The following TBX20 variants were observed in gnomAD, a reference collection of about 807,000 sequenced individuals.
The protein encoded by TBX20 is T-box transcription factor TBX20.
Under a neutral mutation model 42.9 loss-of-function variants are expected in TBX20, and 8 were observed. That is an observed-to-expected ratio of 0.19 (90% CI 0.11 to 0.34). TBX20 has a LOEUF of 0.34. Ranked by LOEUF, TBX20 falls within the 10% of genes least tolerant of loss-of-function variation. TBX20 has a pLI of 1.00. For missense variants in TBX20, 411 were observed against 566.0 expected, an observed-to-expected ratio of 0.73 and a Z score of 2.78; for synonymous variants, 198 against 222.8, an observed-to-expected ratio of 0.89 and a Z score of 0.99.
At chr7:35,204,364 C>CAAGGA (rs1789358368) in intron 7 of TBX20, 106 bp downstream of exon 7, 1 of 764,022 alleles carries the variant, frequency 1.3e-6, no homozygotes, top group African/African-American at 1.7e-5. Context: ...AATCCTTTCC[C>CAAGGA]GGCATCGTGT....
intron 6 of TBX20, among the ~76,000 whole-genome samples, chr7:35,214,017 A>G (rs902901563): frequency 9.9e-5 from 15 of 152,094 alleles, no homozygotes; most frequent in African/African-American, 3.6e-4. Context: ...TGCTATGGAA[A>G]ATAAAAATAA....
intron 6 of TBX20, among the ~76,000 whole-genome samples, chr7:35,210,073 T>C (rs1789466845): frequency 6.6e-6 from 1 of 152,094 alleles, no homozygotes; most frequent in Non-Finnish European, 1.5e-5. Flanking sequence ...TAGTGTATAC[T>C]TGCAAAGAAG....
chr7:35,230,968 G>C (rs529355986), intron 6 of TBX20, among the ~76,000 whole-genome samples: 1 of 152,310 alleles, frequency 6.6e-6, no homozygotes, highest in South Asian at 2.1e-4. Context: ...GTAAGTTACA[G>C]GCACATGATT....
intron 5 of TBX20, among the ~76,000 whole-genome samples, chr7:35,231,941 G>A (rs1789874341): frequency 6.6e-6 from 1 of 152,170 alleles, no homozygotes; most frequent in African/African-American, 2.4e-5. Context: ...ACCTAAATGG[G>A]AGAATTATGC....
At chr7:35,217,496 C>T (rs1347001314) in intron 6 of TBX20, among the ~76,000 whole-genome samples, 3 of 152,048 alleles carry the variant, frequency 2.0e-5, no homozygotes, top group African/African-American at 7.2e-5. Flanking sequence ...CTCACTGGTC[C>T]GGCACTTCCA....
intron 4 of TBX20, among the ~76,000 whole-genome samples, chr7:35,243,289 T>C (rs1790117987): frequency 6.6e-6 from 1 of 152,158 alleles, no homozygotes; most frequent in African/African-American, 2.4e-5. Flanking sequence ...CTGGCCAGTA[T>C]AAAAGTTTTA....
intron 4 of TBX20, among the ~76,000 whole-genome samples, 197 bp downstream of exon 4, chr7:35,244,752 C>A (rs912929020): frequency 2.0e-5 from 3 of 152,210 alleles, no homozygotes; most frequent in African/African-American, 7.2e-5. Context: ...AAATGGCACA[C>A]AGCATTCCCG....
intron 7 of TBX20, among the ~76,000 whole-genome samples, chr7:35,204,021 A>C (rs1484386244): frequency 2.6e-5 from 4 of 152,228 alleles, no homozygotes; most frequent in Non-Finnish European, 5.9e-5. Flanking sequence ...TCATTAGGAC[A>C]ATCCTCTTTT....
At chr7:35,228,095 TA>T (rs70981903) in intron 6 of TBX20, among the ~76,000 whole-genome samples, 90,141 of 150,204 alleles carry the variant, frequency 0.6, 28,378 homozygotes, top group African/African-American at 0.8. Context: ...AATACTATGA[TA>T]AAAAAAAAAA....
chr7:35,247,015 T>C (rs189391130), intron 3 of TBX20, among the ~76,000 whole-genome samples: 8 of 152,140 alleles, frequency 5.3e-5, no homozygotes, highest in Admixed American at 5.2e-4. Flanking sequence ...ACACACTTTT[T>C]TTCTCCAACC....
chr7:35,218,574 G>C (rs998052223), intron 6 of TBX20, among the ~76,000 whole-genome samples: 3 of 151,924 alleles, frequency 2.0e-5, no homozygotes, highest in African/African-American at 7.3e-5. Flanking sequence ...TTTAAAATAT[G>C]TTTTTACTAT....
chr7:35,204,650 G>C, intron 6 of TBX20, 68 bp from the exon 7 acceptor site: 1 of 1,212,748 alleles, frequency 8.2e-7, no homozygotes, highest in Non-Finnish European at 1.2e-6. Context: ...AGAGGTCTTA[G>C]AGGTAACTCA....
At chr7:35,211,115 T>C (rs1305812804) in intron 6 of TBX20, among the ~76,000 whole-genome samples, 1 of 152,162 alleles carries the variant, frequency 6.6e-6, no homozygotes, top group Non-Finnish European at 1.5e-5. Context: ...CTTCAAGTGA[T>C]ACTAAATCTT....
rs974492032 is a variant in TBX20, at chr7:35,241,046, A to G, written c.655-9T>C. 1 of 1,613,454 alleles carries G rather than the reference A, an allele frequency of 6.2e-7. No individual in the cohort carries two copies. The highest frequency in any genetic ancestry group is 1.3e-5 in the African/African-American group (1 of 74,932). On this transcript the variant is annotated splice_polypyrimidine_tract_variant and intron_variant, in intron 4 of 7. Transcript: ENST00000408931. ...ATTGAGTTCAAAATTATCTACAACA[A>G]AAAGATGGGAAGTACTGAATTTTAC...
At chr7:35,241,909 C>A (rs1790089991) in intron 4 of TBX20, among the ~76,000 whole-genome samples, 1 of 152,058 alleles carries the variant, frequency 6.6e-6, no homozygotes, top group African/African-American at 2.4e-5. Flanking sequence ...AAAAGGTTTC[C>A]CACATCTTCC....
At chr7:35,239,544 G>C in intron 5 of TBX20, among the ~76,000 whole-genome samples, 1 of 152,204 alleles carries the variant, frequency 6.6e-6, no homozygotes, top group East Asian at 1.9e-4. Flanking sequence ...CTGATGGAGA[G>C]AAGTTACTCA....
At chr7:35,239,051 G>A (rs1368431179) in intron 5 of TBX20, among the ~76,000 whole-genome samples, 1 of 152,016 alleles carries the variant, frequency 6.6e-6, no homozygotes, top group Non-Finnish European at 1.5e-5. Flanking sequence ...CCCTAAAATG[G>A]TCTGGTCAGT....
At chr7:35,237,309 T>C (rs1333833223) in intron 5 of TBX20, among the ~76,000 whole-genome samples, 1 of 151,466 alleles carries the variant, frequency 6.6e-6, no homozygotes, top group Admixed American at 6.6e-5. Context: ...AAACCATGAA[T>C]TTTAGCTGGA....
At position 35,222,812 on chromosome 7, in the gene TBX20, C is replaced by T. The variant is rs539083011; in HGVS notation, c.890+8692G>A. On this transcript the variant is annotated intron_variant, in intron 6 of 7. Transcript: ENST00000408931. Reference sequence around the variant, plus strand: ...TCAGGTGGGGTAGATTCTACAGAACCTTTGAGGCCTTGTCTGGACTTTGGA... The same window carrying T: ...TCAGGTGGGGTAGATTCTACAGAACTTTTGAGGCCTTGTCTGGACTTTGGA... 1.2e-3 allele frequency among the ~76,000 whole-genome samples: 177 copies of T among 152,052 alleles called. 1 individual carries two copies. The highest frequency in any genetic ancestry group is 0.01 in the Middle Eastern group (3 of 292).
Sources: gnomAD v4.1 joint callset for allele counts (sites outside exome capture counted in the v4.1 genomes callset) on GRCh38, gnomAD v4.1.1 for gene constraint, MANE v1.5 for transcripts, NCBI Gene and HGNC (gene_info 2026-07-23, HGNC 2026-07-21) for gene names.